Variants in TGFBR3 observed in about 807,000 individuals in gnomAD.
The protein encoded by TGFBR3 is transforming growth factor beta receptor 3, also known as transforming growth factor beta receptor type 3.
Under a neutral mutation model 87.9 loss-of-function variants are expected in TGFBR3, and 46 were observed. The ratio of observed to expected loss-of-function variants is 0.52; its 90% confidence interval spans 0.41 to 0.67. The LOEUF is 0.67. Ranked by LOEUF, TGFBR3 falls within the 30% of genes least tolerant of loss-of-function variation. The pLI, the probability that TGFBR3 is intolerant of heterozygous loss-of-function variation, is 0.00. For missense variants in TGFBR3, 866 were observed against 1,041.9 expected (o/e 0.83, Z 2.32); for synonymous variants, 381 against 391.6 (o/e 0.97, Z 0.32).
chr1:91,896,035 G>A (rs934700030), intron 2 of TGFBR3, among the ~76,000 whole-genome samples: 1 of 152,096 alleles, frequency 6.6e-6, no homozygotes, highest in Non-Finnish European at 1.5e-5. Context: ...GATAGTTCTG[G>A]TTTCCTTGCT....
rs1334359977 is a variant in TGFBR3, at chr1:91,683,217, C to T, written c.*522G>A. The T allele has an allele frequency of 8.8e-6, 4 of 454,484 alleles. No homozygotes were observed. Among genetic ancestry groups the T allele is most frequent in the Non-Finnish European group, 1.8e-5 (4 of 226,858 alleles). 28.2% of individuals were successfully genotyped at this position (454,484 alleles called of 1,614,324 possible). ...TTGTGGCAGCAAGGTCAGAAGTGTGCATCCAGACAAAGGTGCAAATTAGAC... is the reference window on the plus strand; with the variant it reads ...TTGTGGCAGCAAGGTCAGAAGTGTGTATCCAGACAAAGGTGCAAATTAGAC... On this transcript the variant is annotated 3_prime_UTR_variant, in exon 17 of 17. Transcript: ENST00000212355.
At chr1:91,806,725 A>G (rs537429168) in intron 2 of TGFBR3, among the ~76,000 whole-genome samples, 1 of 152,324 alleles carries the variant, frequency 6.6e-6, no homozygotes, top group East Asian at 1.9e-4. Context: ...GGACCAAGAC[A>G]TCGCAGTGGG....
At chr1:91,901,643 CCAGGCTCATGCCTGTAA>C (rs1679721939) in intron 1 of TGFBR3, among the ~76,000 whole-genome samples, 1 of 151,818 alleles carries the variant, frequency 6.6e-6, no homozygotes, top group Non-Finnish European at 1.5e-5. Flanking sequence ...ACGTTGTGGG[CCAGGCTCATGCCTGTAA>C]TCCCAGCACT....
rs192089904 is a variant in TGFBR3 at position 91,845,249 on chromosome 1, T to G, written c.61+16222A>C. Among the ~76,000 whole-genome samples the G allele has an allele frequency of 1.6e-4, 24 of 152,318 alleles. No individual in the cohort carries two copies. The East Asian group carries it at 4.2e-3, about 27-fold the overall frequency. ...CTGAATCATGTTAATAAAGTAAGAT[T>G]TGGTCTGGGATTTGTACATAAGTAC... On this transcript the variant is annotated intron_variant, in intron 2 of 16. Coordinates refer to ENST00000212355, the MANE Select transcript of TGFBR3 (RefSeq NM_003243.5).
chr1:91,735,057 A>G, intron 4 of TGFBR3, 98 bp from the exon 5 acceptor site: 1 of 1,405,222 alleles, frequency 7.1e-7, no homozygotes, highest in Non-Finnish European at 1.0e-6. Flanking sequence ...TTGTAAATCG[A>G]ACCTCTTCCC....
intron 4 of TGFBR3, among the ~76,000 whole-genome samples, chr1:91,745,840 A>G (rs556768095): frequency 6.6e-6 from 1 of 152,260 alleles, no homozygotes. Context: ...ATAATTTGCA[A>G]AGCTACATAT....
intron 9 of TGFBR3, 35 bp from the exon 10 acceptor site, chr1:91,719,499 C>A (rs1368182057): frequency 6.2e-7 from 1 of 1,613,128 alleles, no homozygotes. Flanking sequence ...TGGTTGGAGG[C>A]CCACAGGCAG....
At chr1:91,712,196 C>T in intron 13 of TGFBR3, 47 bp downstream of exon 13, 2 of 1,588,492 alleles carry the variant, frequency 1.3e-6, no homozygotes, top group South Asian at 1.1e-5. Flanking sequence ...TTCTGCCTCA[C>T]CTAAAAATGC....
chr1:91,698,014 C>T, intron 15 of TGFBR3, 75 bp downstream of exon 15: 1 of 1,425,522 alleles, frequency 7.0e-7, no homozygotes, highest in Non-Finnish European at 9.9e-7. Flanking sequence ...CAAAGTTTGG[C>T]AAATGTTCAC....
intron 2 of TGFBR3, among the ~76,000 whole-genome samples, chr1:91,831,244 T>C (rs1450896244): frequency 6.6e-6 from 1 of 152,094 alleles, no homozygotes; most frequent in Non-Finnish European, 1.5e-5. Context: ...AAAACTGCAC[T>C]ATAAGGCAGG....
chr1:91,887,236 C>CTCTTTTTTTT (rs1679347391), upstream of TGFBR3, among the ~76,000 whole-genome samples: 1 of 41,408 alleles, frequency 2.4e-5, no homozygotes, highest in Admixed American at 4.4e-4. Flanking sequence ...GGACCTATGC[C>CTCTTTTTTTT]TTTTTTTTTT....
chr1:91,888,900 G>C (rs908969642), upstream of TGFBR3, among the ~76,000 whole-genome samples: 1 of 151,908 alleles, frequency 6.6e-6, no homozygotes, highest in Non-Finnish European at 1.5e-5. Flanking sequence ...TTTTTGTTTT[G>C]AGACAGAGTC....
chr1:91,889,014 T>C (rs1679391267), upstream of TGFBR3, among the ~76,000 whole-genome samples: 1 of 152,060 alleles, frequency 6.6e-6, no homozygotes, highest in African/African-American at 2.4e-5. Flanking sequence ...CCTGAGTAGC[T>C]GGGATTGACA....
At chr1:91,801,812 A>G (rs539669284) in intron 2 of TGFBR3, among the ~76,000 whole-genome samples, 18 of 152,316 alleles carry the variant, frequency 1.2e-4, no homozygotes, top group Middle Eastern at 3.4e-3. Context: ...CTGCTGAGAG[A>G]GCAAATTGGT....
chr1:91,734,042 A>AAGGGAGGGAGAGAGGGAGAG (rs1280815608), intron 5 of TGFBR3, among the ~76,000 whole-genome samples: 6 of 20,216 alleles, frequency 3.0e-4, no homozygotes, highest in African/African-American at 1.0e-3. Flanking sequence ...TGAAGGAAGG[A>AAGGGAGGGAGAGAGGGAGAG]AGGGAGGGAG....
intron 2 of TGFBR3, among the ~76,000 whole-genome samples, chr1:91,814,632 C>G (rs1676151084): frequency 6.6e-6 from 1 of 152,062 alleles, no homozygotes; most frequent in African/African-American, 2.4e-5. Flanking sequence ...ATATACTTCC[C>G]CAAATTACTT....
chr1:91,689,063 C>T (rs976777383), intron 16 of TGFBR3, among the ~76,000 whole-genome samples: 1 of 152,154 alleles, frequency 6.6e-6, no homozygotes, highest in African/African-American at 2.4e-5. Context: ...AAGATGAATG[C>T]CTTCGGCTTT....
At chr1:91,827,842 GCAGTCACTCACTACT>G (rs1676699890) in intron 2 of TGFBR3, among the ~76,000 whole-genome samples, 2 of 152,204 alleles carry the variant, frequency 1.3e-5, no homozygotes, top group South Asian at 4.1e-4. Context: ...CAGTAAGGCT[GCAGTCACTCACTACT>G]CAGTGAATGA....
At chr1:91,778,035 G>A (rs1307394487) in intron 3 of TGFBR3, among the ~76,000 whole-genome samples, 2 of 152,170 alleles carry the variant, frequency 1.3e-5, no homozygotes, top group Non-Finnish European at 2.9e-5. Context: ...AGAGCTCTTT[G>A]GAAAATCATG....
Sources: gnomAD v4.1 joint callset for allele counts (sites outside exome capture counted in the v4.1 genomes callset) on GRCh38, gnomAD v4.1.1 for gene constraint, MANE v1.5 for transcripts, NCBI Gene and HGNC (gene_info 2026-07-23, HGNC 2026-07-21) for gene names.